Variants in SYNPR observed in about 807,000 individuals in gnomAD.
SYNPR encodes the protein synaptoporin.
SYNPR carries 23 observed loss-of-function variants against 32.9 expected under a neutral mutation model. The observed-to-expected ratio is 0.70, with a 90% CI of 0.50 to 0.99. The LOEUF (loss-of-function observed/expected upper bound fraction) is 0.99, where lower values mean the gene tolerates loss of function less well. Among genes scored for constraint, SYNPR ranks in the 50% least tolerant of loss-of-function variants. The pLI is 0.00. For synonymous variants in SYNPR, 146 were observed against 135.9 expected (o/e 1.07, Z -0.52); for missense variants, 318 against 349.3 (o/e 0.91, Z 0.71).
At chr3:63,605,867 C>T (rs944286303) in intron 4 of SYNPR, among the ~76,000 whole-genome samples, 4 of 152,280 alleles carry the variant, frequency 2.6e-5, no homozygotes, top group East Asian at 3.9e-4. Flanking sequence ...GGGCCTATGC[C>T]GCTGGAGTGA....
rs1450748758 is a variant in SYNPR at position 63,573,864 on chromosome 3, A to T, written c.408+17123A>T. On this transcript the variant is annotated intron_variant, in intron 4 of 5. Coordinates refer to ENST00000478300, the MANE Select transcript of SYNPR (RefSeq NM_001130003.2). ...GGGACAGGATGCCGCCGCCAAATTG[A>T]GTCAGATTTAATGAGCTTTTGCAAA... Among the ~76,000 whole-genome samples the T allele has an allele frequency of 3.9e-5, 6 of 152,278 alleles. No individual in the cohort carries two copies. The East Asian group carries it at 9.7e-4, about 24-fold the overall frequency.
intron 2 of SYNPR, among the ~76,000 whole-genome samples, chr3:63,370,597 A>C (rs935117841): frequency 1.3e-5 from 2 of 152,198 alleles, no homozygotes; most frequent in African/African-American, 4.8e-5. Flanking sequence ...CAAATACCAC[A>C]TGGCCTTTTG....
chr3:63,338,605 T>C (rs542190100), intron 2 of SYNPR, among the ~76,000 whole-genome samples: 2 of 152,330 alleles, frequency 1.3e-5, no homozygotes, highest in South Asian at 2.1e-4. Flanking sequence ...CAGATTCTAA[T>C]AGAATGATTA....
intron 3 of SYNPR, among the ~76,000 whole-genome samples, chr3:63,494,393 TTATA>T (rs60624781): frequency 0.22 from 12,124 of 54,696 alleles, 920 homozygotes; most frequent in South Asian, 0.34. Flanking sequence ...ATGTTAATTC[TTATA>T]TATATATATA....
At chr3:63,306,553 TAA>T (rs2086912881) in intron 2 of SYNPR, among the ~76,000 whole-genome samples, 1 of 151,664 alleles carries the variant, frequency 6.6e-6, no homozygotes, top group Non-Finnish European at 1.5e-5. Context: ...AAAAACAATA[TAA>T]AATTAGTTTG....
At chr3:63,203,051 C>T in the SYNPR span, among the ~76,000 whole-genome samples, 9 of 98,752 alleles carry the variant, frequency 9.1e-5, no homozygotes, top group South Asian at 3.2e-4. Context: ...AATATAAATA[C>T]ATATATATAT....
At chr3:63,438,829 T>C (rs1700125744) in intron 2 of SYNPR, among the ~76,000 whole-genome samples, 1 of 152,196 alleles carries the variant, frequency 6.6e-6, no homozygotes, top group Non-Finnish European at 1.5e-5. Flanking sequence ...GCTGAAATTG[T>C]TCCTGAAGCA....
At chr3:63,568,106 T>C (rs994666395) in intron 4 of SYNPR, among the ~76,000 whole-genome samples, 2 of 152,172 alleles carry the variant, frequency 1.3e-5, no homozygotes, top group African/African-American at 2.4e-5. Flanking sequence ...AAAAGTGCAG[T>C]TGAGGCTAGG....
chr3:63,351,706 A>G (rs2087512162), intron 2 of SYNPR: 1 of 152,224 alleles, frequency 6.6e-6, no homozygotes, highest in South Asian at 2.1e-4. Context: ...TAAGATTTAT[A>G]GATTTCATTT....
At chr3:63,547,521 C>G (rs987076716) in intron 3 of SYNPR, among the ~76,000 whole-genome samples, 1 of 152,096 alleles carries the variant, frequency 6.6e-6, no homozygotes, top group African/African-American at 2.4e-5. Context: ...TTATTCCAAT[C>G]AACGTGAGTT....
chr3:63,346,899 A>C (rs988505468), intron 2 of SYNPR, among the ~76,000 whole-genome samples: 1 of 152,192 alleles, frequency 6.6e-6, no homozygotes, highest in African/African-American at 2.4e-5. Context: ...AGTAATCTAT[A>C]AGTTGACAGA....
chr3:63,491,598 G>C (rs1701258222), intron 3 of SYNPR, among the ~76,000 whole-genome samples: 1 of 152,110 alleles, frequency 6.6e-6, no homozygotes, highest in Admixed American at 6.6e-5. Context: ...TGGACTTACT[G>C]CAATCTCCAC....
intron 3 of SYNPR, among the ~76,000 whole-genome samples, chr3:63,268,977 A>G (rs937345088): frequency 6.6e-6 from 1 of 152,212 alleles, no homozygotes; most frequent in African/African-American, 2.4e-5. Flanking sequence ...CTTTTGTTAT[A>G]ATTTCAATAG....
At chr3:63,238,861 T>G (rs960635780) in intron 1 of SYNPR, among the ~76,000 whole-genome samples, 2 of 152,140 alleles carry the variant, frequency 1.3e-5, no homozygotes, top group African/African-American at 2.4e-5. Context: ...TAATTCGGTA[T>G]AACTGTATCT....
At chr3:63,290,467 T>G (rs1169808282) in intron 2 of SYNPR, among the ~76,000 whole-genome samples, 1 of 152,208 alleles carries the variant, frequency 6.6e-6, no homozygotes. Flanking sequence ...AAAGCTTAAA[T>G]GCCCTCATGA....
intron 2 of SYNPR, chr3:63,443,352 G>T (rs914505668): frequency 5.2e-6 from 8 of 1,540,938 alleles, no homozygotes; most frequent in Non-Finnish European, 7.0e-6. Context: ...GGGACAAGTG[G>T]CTGGTGCTGT....
intron 3 of SYNPR, among the ~76,000 whole-genome samples, chr3:63,481,451 A>ATGTGTGTG (rs71631157): frequency 5.2e-4 from 76 of 147,194 alleles, no homozygotes; most frequent in Middle Eastern, 3.5e-3. Flanking sequence ...ATATATATAT[A>ATGTGTGTG]TGTGTGTGTG....
At chr3:63,375,432 G>A (rs575425746) in intron 2 of SYNPR, among the ~76,000 whole-genome samples, 129 of 152,180 alleles carry the variant, frequency 8.5e-4, no homozygotes, top group African/African-American at 3.0e-3. Context: ...GGACATGGAC[G>A]AAGCTGGAAA....
At chr3:63,202,928 G>A in the SYNPR span, among the ~76,000 whole-genome samples, 1 of 151,694 alleles carries the variant, frequency 6.6e-6, no homozygotes, top group Non-Finnish European at 1.5e-5. Flanking sequence ...TAGCTGTCCA[G>A]TATTAATGAA....
Sources: gnomAD v4.1 joint callset for allele counts (sites outside exome capture counted in the v4.1 genomes callset) on GRCh38, gnomAD v4.1.1 for gene constraint, MANE v1.5 for transcripts, NCBI Gene and HGNC (gene_info 2026-07-23, HGNC 2026-07-21) for gene names.